GMEB1: variants seen among roughly 807,000 people sequenced by gnomAD.
GMEB1 encodes the protein glucocorticoid modulatory element-binding protein 1.
A neutral mutation model predicts 52.4 loss-of-function variants in GMEB1; 6 were observed. That is an observed-to-expected ratio of 0.11 (90% CI 0.06 to 0.23). The LOEUF is 0.23. Ranked by LOEUF, GMEB1 falls within the 10% of genes least tolerant of loss-of-function variation. The probability of loss-of-function intolerance (pLI) is 1.00; values close to 1 mark genes in which losing one functional copy is unlikely to be tolerated. For synonymous variants in GMEB1, 255 were observed against 244.9 expected, an observed-to-expected ratio of 1.04 and a Z score of -0.38; for missense variants, 486 against 685.6, an observed-to-expected ratio of 0.71 and a Z score of 3.25.
In GMEB1 at chr1:28,706,307, T is replaced by C. The variant is rs115341400; in HGVS notation, c.868+1978T>C. ...AATGTAAAATGACGTTCTAATCTAA[T>C]AGAAATGGGGTTATGGGCCAGGCGT... On this transcript the variant is annotated intron_variant, in intron 8 of 9. Transcript: ENST00000373816. Among the ~76,000 whole-genome samples the C allele has an allele frequency of 3.8e-3, 567 of 151,118 alleles. 5 individuals are homozygous for C. The highest frequency in any genetic ancestry group is 0.013 in the African/African-American group (552 of 41,214).
Position 28,690,143 on chromosome 1 carries a change from A to C in GMEB1, c.168A>C (p.Val56=). The part of the protein sequence containing the change: ...EAGSENNTAV[V]AVETHTIHKI... ...GGTCGGAGAACAACACGGCAGTTGTAGCAGTAGAAACTCACACGATACACA... is the reference window on the plus strand; with the variant it reads ...GGTCGGAGAACAACACGGCAGTTGTCGCAGTAGAAACTCACACGATACACA... The change falls in exon 3 of 10, where the codon GTA becomes GTC. Residue 56 remains valine, a synonymous_variant. Transcript: ENST00000373816. 1 of 1,599,588 alleles carries C rather than the reference A, an allele frequency of 6.3e-7. No individual in the cohort carries two copies. Among genetic ancestry groups the C allele is most frequent in the South Asian group, 1.1e-5 (1 of 88,914 alleles).
At chr1:28,709,176 G>A (rs560618296) in intron 8 of GMEB1, among the ~76,000 whole-genome samples, 30 of 150,298 alleles carry the variant, frequency 2.0e-4, no homozygotes, top group African/African-American at 6.6e-4. Flanking sequence ...GCATGGTGGC[G>A]TGCACGTGTA....
At chr1:28,688,719 C>G (rs950402665) in intron 2 of GMEB1, among the ~76,000 whole-genome samples, 3 of 151,716 alleles carry the variant, frequency 2.0e-5, no homozygotes, top group Non-Finnish European at 4.4e-5. Flanking sequence ...CCCCCACCAC[C>G]CACCACCCCC....
intron 5 of GMEB1, among the ~76,000 whole-genome samples, chr1:28,694,921 C>A (rs572701081): frequency 6.7e-6 from 1 of 149,412 alleles, no homozygotes; most frequent in East Asian, 2.0e-4. Context: ...CTCAGCCTCC[C>A]AAAGTGTGGG....
chr1:28,681,693 T>G (rs1669394353), intron 1 of GMEB1, among the ~76,000 whole-genome samples: 2 of 151,998 alleles, frequency 1.3e-5, no homozygotes, highest in African/African-American at 4.8e-5. Context: ...GTGGATTAGA[T>G]CTTCTGACTA....
chr1:28,680,909 TG>T (rs1372608133), intron 1 of GMEB1, among the ~76,000 whole-genome samples: 3 of 151,892 alleles, frequency 2.0e-5, no homozygotes, highest in Non-Finnish European at 2.9e-5. Context: ...CTGGACATGG[TG>T]GGGCATGCCT....
chr1:28,705,693 C>T (rs539729260), intron 8 of GMEB1, among the ~76,000 whole-genome samples: 41 of 150,342 alleles, frequency 2.7e-4, no homozygotes, highest in South Asian at 6.3e-4. Context: ...TTGGGTGATC[C>T]GCCCGCCTCG....
At chr1:28,668,897 GGCGCGGGGGCCGC>G (rs1292619389) in intron 1 of GMEB1, 58 bp downstream of exon 1, 1 of 143,934 alleles carries the variant, frequency 6.9e-6, no homozygotes, top group Non-Finnish European at 1.5e-5. Context: ...CGGGGGGGCG[GGCGCGGGGGCCGC>G]GCGGCGGCCG....
At chr1:28,698,148 A>C in intron 6 of GMEB1, among the ~76,000 whole-genome samples, 1 of 151,830 alleles carries the variant, frequency 6.6e-6, no homozygotes, top group East Asian at 1.9e-4. Context: ...TCAAAAAAGA[A>C]AAATGAGGTC....
At chr1:28,711,947 C>G (rs559498951) in intron 9 of GMEB1, among the ~76,000 whole-genome samples, 3 of 152,152 alleles carry the variant, frequency 2.0e-5, no homozygotes, top group African/African-American at 7.2e-5. Context: ...AGGTGAGGCT[C>G]AGTCCCAAAA....
chr1:28,688,382 T>C (rs2124500950), intron 2 of GMEB1, among the ~76,000 whole-genome samples: 1 of 152,324 alleles, frequency 6.6e-6, no homozygotes, highest in South Asian at 2.1e-4. Flanking sequence ...GGTATCACTG[T>C]GGAGGTAGTC....
At position 28,714,622 on chromosome 1, in the gene GMEB1, T is replaced by A. The variant is rs1671208929; in HGVS notation, c.1541T>A (p.Ile514Asn). 1 of 1,614,084 alleles carries A rather than the reference T, an allele frequency of 6.2e-7. No individual in the cohort carries two copies. Among genetic ancestry groups the A allele is most frequent in the African/African-American group, 1.3e-5 (1 of 75,024 alleles). ...GAGGATGGGCAGACCATCATTGAGA[T>A]TGATCCAGCCCCGGACCCAGAAGCT... ...TSEDGQTIIEIDPAPDPEAED... is the reference protein window; with the variant it reads ...TSEDGQTIIENDPAPDPEAED... Residue 514 changes from isoleucine to asparagine, a missense_variant, in exon 10 of 10, where the codon ATT becomes AAT. Physicochemically the swap from Ile to Asn is moderately radical, Grantham distance 149. Coordinates refer to ENST00000373816, the MANE Select transcript of GMEB1 (RefSeq NM_001319674.2).
chr1:28,701,636 A>G (rs1378248683), intron 6 of GMEB1, among the ~76,000 whole-genome samples: 1 of 150,786 alleles, frequency 6.6e-6, no homozygotes, highest in Non-Finnish European at 1.5e-5. Flanking sequence ...TGGCACAACC[A>G]TGGTTTACTG....
At chr1:28,675,670 ACT>A (rs1363349620) in intron 1 of GMEB1, among the ~76,000 whole-genome samples, 1 of 138,770 alleles carries the variant, frequency 7.2e-6, no homozygotes, top group African/African-American at 2.6e-5. Flanking sequence ...ACAGAGTGAG[ACT>A]CTGTCTCAAA....
intron 9 of GMEB1, among the ~76,000 whole-genome samples, chr1:28,712,096 G>T (rs1200025312): frequency 1.3e-5 from 2 of 151,966 alleles, no homozygotes; most frequent in Non-Finnish European, 1.5e-5. Flanking sequence ...TCACCTTCTT[G>T]CGTTTGATTA....
chr1:28,687,387 CA>C (rs1242840628), intron 2 of GMEB1, among the ~76,000 whole-genome samples: 1 of 41,118 alleles, frequency 2.4e-5, no homozygotes, highest in Non-Finnish European at 4.4e-5. Flanking sequence ...CACACACACA[CA>C]AAAAAAGACA....
At position 28,690,201 on chromosome 1, in the gene GMEB1, G is replaced by GTTTTTTTTT. The variant is rs764837396; in HGVS notation, c.211+16_211+17insTTTTTTTTT. 5.1e-6 allele frequency: 3 copies of GTTTTTTTTT among 582,922 alleles called. No individual in the cohort carries two copies. Among genetic ancestry groups the GTTTTTTTTT allele is most frequent in the African/African-American group, 6.4e-5 (2 of 31,448 alleles). 36.1% of individuals were successfully genotyped at this position (582,922 alleles called of 1,614,324 possible). On this transcript the variant is annotated intron_variant, in intron 3 of 9. Transcript: ENST00000373816. ...AGAAGGGATTGGTAAGGGTTTTTTT[G>GTTTTTTTTT]TGTTTTTTTTTTTTTTTTTTTTTGT...
At position 28,686,998 on chromosome 1, in the gene GMEB1, G is replaced by A. The variant is rs551314894; in HGVS notation, c.129-3106G>A. 3.3e-3 allele frequency among the ~76,000 whole-genome samples: 502 copies of A among 152,024 alleles called. 4 individuals carry two copies. Among genetic ancestry groups the A allele is most frequent in the African/African-American group, 0.012 (486 of 41,478 alleles). On this transcript the variant is annotated intron_variant, in intron 2 of 9. Transcript: ENST00000373816. ...GGAGGAAGTAAGTGATTATATTGAA[G>A]GGATTAGGAAGGAAAGAAAAGCATC...
intron 2 of GMEB1, 128 bp from the exon 3 acceptor site, chr1:28,689,976 G>T: frequency 1.7e-6 from 1 of 596,026 alleles, no homozygotes; most frequent in Non-Finnish European, 2.9e-6. Context: ...AAACTAGTCA[G>T]AGTTATAAAG....
Sources: allele counts gnomAD v4.1 joint callset (sites outside exome capture counted in the v4.1 genomes callset), GRCh38; gene constraint gnomAD v4.1.1; transcripts MANE v1.5; gene names NCBI Gene and HGNC (gene_info 2026-07-23, HGNC 2026-07-21).